The following USP31 variants were observed in gnomAD, a reference collection of about 807,000 sequenced individuals.
USP31 encodes the protein ubiquitin carboxyl-terminal hydrolase 31.
Under a neutral mutation model 119.4 loss-of-function variants are expected in USP31, and 44 were observed. The observed-to-expected ratio is 0.37, with a 90% CI of 0.29 to 0.47. USP31 has a LOEUF of 0.47. Ranked by LOEUF, USP31 falls within the 20% of genes least tolerant of loss-of-function variation. The pLI, the probability that USP31 is intolerant of heterozygous loss-of-function variation, is 0.99. For missense variants in USP31, 1,643 were observed against 1,730.2 expected (o/e 0.95, Z 0.89); for synonymous variants, 749 against 705.6 (o/e 1.06, Z -0.97).
At chr16:23,145,194 G>A (rs1266775334) in intron 1 of USP31, among the ~76,000 whole-genome samples, 4 of 152,244 alleles carry the variant, frequency 2.6e-5, no homozygotes, top group African/African-American at 7.2e-5. Flanking sequence ...TGCTTTCCTT[G>A]TTCCTTGATG....
intron 1 of USP31, among the ~76,000 whole-genome samples, chr16:23,118,781 G>A (rs187924608): frequency 1.3e-5 from 2 of 152,134 alleles, no homozygotes; most frequent in African/African-American, 2.4e-5. Context: ...CAGGCATTAC[G>A]CTTATTGCTT....
intron 6 of USP31, among the ~76,000 whole-genome samples, chr16:23,092,981 A>G (rs181188302): frequency 8.5e-5 from 13 of 152,316 alleles, no homozygotes; most frequent in African/African-American, 3.1e-4. Context: ...GTAAATATTT[A>G]CTTGTCCCAG....
At position 23,062,381 on chromosome 16, in the gene USP31, T is replaced by TTC. The variant is rs1567219623; in HGVS notation, c.*5664_*5665insGA. 2 of 143,976 alleles carry TTC rather than the reference T, an allele frequency of 1.4e-5. No individual in the cohort carries two copies. The highest frequency in any genetic ancestry group is 2.6e-5 in the African/African-American group (1 of 37,966). The allele number at this position is 143,976 out of a possible 1,614,324, so 8.9% of individuals were successfully genotyped here. Reference sequence around the variant, plus strand: ...AATAGCAATAAGGGTTTTTTTTTTTTAAAAAAAAGACACCAAAGAAAATGT... The same window carrying TTC: ...AATAGCAATAAGGGTTTTTTTTTTTTTCAAAAAAAAGACACCAAAGAAAATGT... On this transcript the variant is annotated 3_prime_UTR_variant, in exon 16 of 16. Transcript: ENST00000219689.
In USP31 at chr16:23,068,555, C is replaced by G. The variant is rs746059576; in HGVS notation, c.3550G>C (p.Ala1184Pro). The G allele has an allele frequency of 4.3e-6, 7 of 1,613,930 alleles. No individual in the cohort carries two copies. Among genetic ancestry groups the G allele is most frequent in the Non-Finnish European group, 5.9e-6 (7 of 1,180,006 alleles). The change falls in exon 16 of 16, where the codon GCC (alanine) becomes CCC (proline). Residue 1184 changes from alanine to proline, a missense_variant. Physicochemically the swap from Ala to Pro is conservative, Grantham distance 27 (BLOSUM62 -1). This residue lies in a region of USP31 where 699 missense variants were observed against 650.9 expected (regional missense o/e 1.07). Transcript: ENST00000219689. ...GCCCCCCTGCCCTCCCCTGCTCGGG[C>G]CTGGCTCACCCGAGGGGAATTGGGT... ...SKPNSPRVSQ[A>P]RAGEGRGAGK...
intron 1 of USP31, among the ~76,000 whole-genome samples, chr16:23,145,591 C>T (rs970259252): frequency 1.3e-5 from 2 of 152,174 alleles, no homozygotes; most frequent in African/African-American, 2.4e-5. Flanking sequence ...GACTTCCTGC[C>T]GTCCTGGGTA....
At chr16:23,139,121 G>C (rs1903276260) in intron 1 of USP31, among the ~76,000 whole-genome samples, 1 of 152,114 alleles carries the variant, frequency 6.6e-6, no homozygotes, top group South Asian at 2.1e-4. Flanking sequence ...TGATAATTCA[G>C]GCTAGGCACG....
At chr16:23,080,827 G>C (rs1030812397) in intron 12 of USP31, among the ~76,000 whole-genome samples, 5 of 152,186 alleles carry the variant, frequency 3.3e-5, no homozygotes, top group African/African-American at 9.7e-5. Context: ...GTATAGGTCT[G>C]TGAAGGGAAG....
intron 1 of USP31, among the ~76,000 whole-genome samples, chr16:23,126,419 T>C (rs1398241420): frequency 2.8e-5 from 4 of 142,054 alleles, no homozygotes; most frequent in Non-Finnish European, 4.5e-5. Flanking sequence ...GGTCAGGAGA[T>C]GGAGACCATC....
intron 4 of USP31, among the ~76,000 whole-genome samples, chr16:23,105,990 C>T (rs972940795): frequency 2.0e-5 from 3 of 152,268 alleles, no homozygotes; most frequent in South Asian, 2.1e-4. Flanking sequence ...GTGTGGATGA[C>T]GAACTGGGCC....
In USP31 at chr16:23,068,162, G is replaced by A. The variant is rs780649314; in HGVS notation, c.3943C>T (p.Gln1315Ter). ...LLSARKSKSS[Q>*]LDSGVPSSPG... is the part of the protein sequence containing the mutation. ...GACGAGGGAACTCCAGAGTCTAGTT[G>A]GGAAGACTTGGATTTGCGAGCGGAC... The change falls in exon 16 of 16, where the codon CAA (glutamine) becomes TAA (stop). Residue 1315 changes from glutamine to a stop codon, truncating the protein, a stop_gained. Transcript: ENST00000219689. LOFTEE classifies it high-confidence loss of function. 1 of 1,614,202 alleles carries A rather than the reference G, an allele frequency of 6.2e-7. No individual in the cohort carries two copies. Among genetic ancestry groups the A allele is most frequent in the East Asian group, 2.2e-5 (1 of 44,878 alleles).
intron 1 of USP31, among the ~76,000 whole-genome samples, chr16:23,132,761 T>C (rs1903068580): frequency 6.6e-6 from 1 of 152,246 alleles, no homozygotes; most frequent in South Asian, 2.1e-4. Context: ...TAGGTTCAAA[T>C]ACTGTATGAC....
intron 11 of USP31, among the ~76,000 whole-genome samples, chr16:23,083,706 G>T (rs944371182): frequency 1.8e-5 from 2 of 112,214 alleles, no homozygotes; most frequent in African/African-American, 6.3e-5. Context: ...GGGGGGGGGG[G>T]GGGGGAAGGG....
At chr16:23,147,992 C>T (rs753998187) in intron 1 of USP31, among the ~76,000 whole-genome samples, 8 of 152,132 alleles carry the variant, frequency 5.3e-5, no homozygotes, top group Non-Finnish European at 1.2e-4. Context: ...GCAGGTTTTT[C>T]TTTCTTCAAA....
chr16:23,148,723 T>C lies in USP31; in HGVS notation c.548A>G (p.Gln183Arg). 3 of 1,484,072 alleles carry C rather than the reference T, an allele frequency of 2.0e-6. No individual in the cohort carries two copies. The highest frequency in any genetic ancestry group is 1.9e-4 in the Middle Eastern group (1 of 5,230). The allele number at this position is 1,484,072 out of a possible 1,614,324, so 91.9% of individuals were successfully genotyped here. Reference protein sequence around the residue: ...EQPAGRGAQGQGEVTEQLAHL... With the variant: ...EQPAGRGAQGRGEVTEQLAHL... ...CGCCAGCTGCTCAGTGACCTCGCCC[T>C]GGCCCTGCGCGCCGCGGCCCGCAGG... The change falls in exon 1 of 16, where the codon CAG becomes CGG. Residue 183 changes from glutamine (Q) to arginine (R), a missense_variant. This residue lies in a region of USP31 where 302 missense variants were observed against 262.6 expected (regional missense o/e 1.15). Transcript: ENST00000219689.
intron 1 of USP31, among the ~76,000 whole-genome samples, chr16:23,126,794 T>C (rs1402723221): frequency 2.0e-5 from 3 of 152,122 alleles, no homozygotes; most frequent in African/African-American, 7.2e-5. Flanking sequence ...TAAGCACTCA[T>C]ACGTTAGCGA....
intron 1 of USP31, among the ~76,000 whole-genome samples, chr16:23,108,974 G>A (rs983291904): frequency 6.6e-6 from 1 of 152,164 alleles, no homozygotes; most frequent in Non-Finnish European, 1.5e-5. Flanking sequence ...AGGGGGACAG[G>A]GAGAAAGTCC....
chr16:23,100,909 G>T (rs888034872), intron 6 of USP31, among the ~76,000 whole-genome samples: 12 of 152,144 alleles, frequency 7.9e-5, no homozygotes, highest in Non-Finnish European at 2.9e-5. Flanking sequence ...AAAGCACATG[G>T]CATGTCTGAG....
At chr16:23,083,872 A>G (rs907156495) in intron 11 of USP31, among the ~76,000 whole-genome samples, 1 of 152,214 alleles carries the variant, frequency 6.6e-6, no homozygotes, top group African/African-American at 2.4e-5. Flanking sequence ...GTCATAATGA[A>G]TTTAAGACAG....
At chr16:23,084,744 A>T in intron 11 of USP31, 116 bp downstream of exon 11, 1 of 1,401,380 alleles carries the variant, frequency 7.1e-7, no homozygotes, top group Non-Finnish European at 9.8e-7. Context: ...GCAGACTTAC[A>T]TATATGCAAA....
Sources: gnomAD v4.1 joint callset for allele counts (sites outside exome capture counted in the v4.1 genomes callset) on GRCh38, gnomAD v4.1.1 for gene constraint, gnomAD v4.1.1 regional missense constraint, MANE v1.5 for transcripts, NCBI Gene and HGNC (gene_info 2026-07-23, HGNC 2026-07-21) for gene names.